RBL1: variants seen among roughly 807,000 people sequenced by gnomAD.
RBL1 encodes the protein RB transcriptional corepressor like 1.
In RBL1, 82 loss-of-function variants were observed where a neutral mutation model predicts 123.0. That is an observed-to-expected ratio of 0.67 (90% CI 0.56 to 0.80). The LOEUF (loss-of-function observed/expected upper bound fraction) is 0.80, where lower values mean the gene tolerates loss of function less well. Ranked by LOEUF, RBL1 falls within the 30% of genes least tolerant of loss-of-function variation. The probability of loss-of-function intolerance (pLI) is 0.00; values close to 1 mark genes in which losing one functional copy is unlikely to be tolerated. For missense variants in RBL1, 1,171 were observed against 1,299.6 expected (o/e 0.90, Z 1.52); for synonymous variants, 405 against 441.3 (o/e 0.92, Z 1.03).
chr20:37,057,004 TCTACCTACCTACCTACCTACCTAC>T (rs58869678), intron 9 of RBL1, among the ~76,000 whole-genome samples: 5 of 147,506 alleles, frequency 3.4e-5, no homozygotes, highest in African/African-American at 1.0e-4. Context: ...TATCTATCTA[TCTACCTACCTACCTACCTACCTAC>T]CTACCTACCT....
At chr20:37,041,531 C>T (rs1405899846) in intron 13 of RBL1, among the ~76,000 whole-genome samples, 1 of 152,032 alleles carries the variant, frequency 6.6e-6, no homozygotes, top group African/African-American at 2.4e-5. Context: ...CCATATTGGC[C>T]AGCCTGGTCT....
Position 36,998,713 on chromosome 20 carries a change from T to G in RBL1, c.*46A>C. 1 of 1,529,870 alleles carries G rather than the reference T, an allele frequency of 6.5e-7. No individual in the cohort carries two copies. The highest frequency in any genetic ancestry group is 8.9e-7 in the Non-Finnish European group (1 of 1,121,666). The allele number at this position is 1,529,870 out of a possible 1,614,324, so 94.8% of individuals were successfully genotyped here. A position where few individuals can be genotyped will look rare whatever the true frequency, so the allele number is the denominator to read the frequency against. On this transcript the variant is annotated 3_prime_UTR_variant, in exon 22 of 22. Transcript: ENST00000373664. ...TTTGAAGGACAGAGCTCCAACTTTC[T>G]GCAGAACAATCTGAAAGTGCTTTTA...
At chr20:37,070,495 CATAAA>C (rs976797885) in intron 2 of RBL1, among the ~76,000 whole-genome samples, 1 of 149,616 alleles carries the variant, frequency 6.7e-6, no homozygotes. Context: ...AAAAAAAAAA[CATAAA>C]ATAAAATAAA....
At chr20:37,070,506 A>T (rs954508096) in intron 2 of RBL1, among the ~76,000 whole-genome samples, 22 of 152,144 alleles carry the variant, frequency 1.4e-4, no homozygotes, top group African/African-American at 5.3e-4. Context: ...ATAAAATAAA[A>T]TAAAATTAGT....
chr20:37,012,930 C>A (rs577573283), intron 19 of RBL1, among the ~76,000 whole-genome samples: 1 of 148,566 alleles, frequency 6.7e-6, no homozygotes, highest in Non-Finnish European at 1.5e-5. Flanking sequence ...GTTCAGCCCC[C>A]CCGCCAGCCA....
At chr20:37,028,498 T>C (rs974542696) in intron 16 of RBL1, among the ~76,000 whole-genome samples, 6 of 152,118 alleles carry the variant, frequency 3.9e-5, no homozygotes, top group Non-Finnish European at 4.4e-5. Flanking sequence ...CACTGCACTG[T>C]AGCTTGGGTA....
intron 19 of RBL1, among the ~76,000 whole-genome samples, chr20:37,014,371 G>T (rs189980655): frequency 6.6e-6 from 1 of 152,022 alleles, no homozygotes; most frequent in Admixed American, 6.6e-5. Flanking sequence ...AAGCCACTGT[G>T]TTCTCTCTTT....
intron 19 of RBL1, among the ~76,000 whole-genome samples, chr20:37,015,792 C>T (rs953328910): frequency 6.6e-6 from 1 of 151,882 alleles, no homozygotes; most frequent in Admixed American, 6.6e-5. Context: ...GTGGCAGGAT[C>T]TTGGCTCACT....
intron 19 of RBL1, among the ~76,000 whole-genome samples, chr20:37,013,998 G>A (rs151071324): frequency 3.3e-5 from 5 of 152,154 alleles, no homozygotes; most frequent in African/African-American, 1.2e-4. Context: ...CTGGGTCATA[G>A]CATCTAACCA....
intron 15 of RBL1, among the ~76,000 whole-genome samples, chr20:37,033,772 C>T (rs373034668): frequency 1.1e-4 from 16 of 151,798 alleles, no homozygotes; most frequent in South Asian, 6.3e-4. Flanking sequence ...CCACCACACC[C>T]GGCTAATGTT....
chr20:37,026,376 AAAG>A (rs747642322), intron 16 of RBL1, among the ~76,000 whole-genome samples: 2 of 152,180 alleles, frequency 1.3e-5, no homozygotes, highest in Non-Finnish European at 2.9e-5. Context: ...AGTATAAATT[AAAG>A]AAGATTTATT....
chr20:37,088,940 TC>T, intron 2 of RBL1, 48 bp downstream of exon 2: 1 of 1,299,192 alleles, frequency 7.7e-7, no homozygotes, highest in Non-Finnish European at 1.0e-6. Flanking sequence ...GAAAACTGAT[TC>T]CAAAATTTAG....
chr20:37,035,581 CAGA>C, intron 14 of RBL1, 73 bp from the exon 15 acceptor site: 1 of 1,281,270 alleles, frequency 7.8e-7, no homozygotes, highest in Non-Finnish European at 1.1e-6. Context: ...ATTCACTCAA[CAGA>C]TAGTGAGTTA....
chr20:37,043,304 T>A lies in RBL1; in HGVS notation c.1770+782A>T, dbSNP rs903880453. 2.0e-5 allele frequency among the ~76,000 whole-genome samples: 3 copies of A among 151,428 alleles called. No individual in the cohort carries two copies. In the East Asian group the frequency reaches 5.8e-4, roughly 29 times the overall value. ...GAGTTCAAGAACAGCCTGGACAAGA[T>A]GGTGAAACCCCGTCTCTACTAAAAA... On this transcript the variant is annotated intron_variant, in intron 13 of 21. Transcript: ENST00000373664.
chr20:37,054,110 C>T (rs953058942), intron 11 of RBL1, among the ~76,000 whole-genome samples: 3 of 151,740 alleles, frequency 2.0e-5, no homozygotes, highest in African/African-American at 7.3e-5. Flanking sequence ...AAAATTGTAA[C>T]CATTAGGGAA....
chr20:37,061,348 T>C, intron 8 of RBL1, 79 bp from the exon 9 acceptor site: 1 of 1,468,358 alleles, frequency 6.8e-7, no homozygotes, highest in Non-Finnish European at 9.1e-7. Context: ...GCATATACCA[T>C]CTTCTCTATT....
chr20:37,095,961 C>A lies in RBL1; in HGVS notation c.-33G>T. On this transcript the variant is annotated 5_prime_UTR_variant, in exon 1 of 22. Transcript: ENST00000373664. The stretch of plus-strand genomic sequence containing the variant: ...GGCCCCGCGGGCTGCGCGCCACGGC[C>A]CCCGACTTCTTTCTCCCTCCCAGGC... 6.8e-7 allele frequency: 1 copy of A among 1,462,260 alleles called. No individual in the cohort carries two copies. The highest frequency in any genetic ancestry group is 1.4e-5 in the South Asian group (1 of 74,036). The allele number at this position is 1,462,260 out of a possible 1,614,324, so 90.6% of individuals were successfully genotyped here.
chr20:37,080,040 T>C (rs1462356275), intron 2 of RBL1, among the ~76,000 whole-genome samples: 2 of 151,818 alleles, frequency 1.3e-5, no homozygotes, highest in Non-Finnish European at 1.5e-5. Flanking sequence ...ATAATAGGTA[T>C]GCTATAATTT....
At chr20:37,068,973 C>T (rs1432383406) in intron 2 of RBL1, among the ~76,000 whole-genome samples, 1 of 152,360 alleles carries the variant, frequency 6.6e-6, no homozygotes, top group Non-Finnish European at 1.5e-5. Flanking sequence ...CTCAGCCTGC[C>T]GAGTGCCTGC....
Sources: gnomAD v4.1 joint callset for allele counts (sites outside exome capture counted in the v4.1 genomes callset) on GRCh38, gnomAD v4.1.1 for gene constraint, MANE v1.5 for transcripts, NCBI Gene and HGNC (gene_info 2026-07-23, HGNC 2026-07-21) for gene names.